The following TTC39B variants were observed in gnomAD, a reference collection of about 807,000 sequenced individuals.
The protein encoded by TTC39B is tetratricopeptide repeat domain 39B.
A neutral mutation model predicts 96.6 loss-of-function variants in TTC39B; 92 were observed. The ratio of observed to expected loss-of-function variants is 0.95; its 90% confidence interval spans 0.80 to 1.13. The LOEUF is 1.13. TTC39B is among the 50% of genes most tolerant of loss of function. TTC39B has a pLI of 0.00. For synonymous variants in TTC39B, 367 were observed against 299.4 expected, an observed-to-expected ratio of 1.23 and a Z score of -2.33; for missense variants, 955 against 809.3, an observed-to-expected ratio of 1.18 and a Z score of -2.18.
chr9:15,234,550 C>A (rs185912857), intron 2 of TTC39B, among the ~76,000 whole-genome samples: 1 of 151,982 alleles, frequency 6.6e-6, no homozygotes, highest in South Asian at 2.1e-4. Context: ...TCATTGAGAA[C>A]GGGCCATGAT....
At position 15,175,239 on chromosome 9, in the gene TTC39B, A is replaced by T. The variant is rs141607532; in HGVS notation, c.1842-104T>A. ...TCTTCAGAAAACATGTGCAGCACTA[A>T]GTCTATTATCATAGAAAGGCGGCCA... On this transcript the variant is annotated intron_variant, in intron 18 of 19. Transcript: ENST00000512701. 6 of 763,384 alleles carry T rather than the reference A, an allele frequency of 7.9e-6. No individual in the cohort carries two copies. In the East Asian group the frequency reaches 1.6e-4, roughly 21 times the overall value. The allele number at this position is 763,384 out of a possible 1,614,324, so 47.3% of individuals were successfully genotyped here. A position where few individuals can be genotyped will look rare whatever the true frequency, so the allele number is the denominator to read the frequency against.
intron 2 of TTC39B, among the ~76,000 whole-genome samples, chr9:15,258,917 C>A (rs1822850612): frequency 6.6e-6 from 1 of 152,162 alleles, no homozygotes; most frequent in South Asian, 2.1e-4. Context: ...GGATCTATAT[C>A]TTAAAACGTG....
intron 1 of TTC39B, among the ~76,000 whole-genome samples, chr9:15,281,677 CA>C (rs1259214485): frequency 6.2e-5 from 8 of 129,518 alleles, no homozygotes; most frequent in African/African-American, 3.0e-4. Flanking sequence ...GCCTCTTCTG[CA>C]TTTTTTTTTT....
intron 6 of TTC39B, 42 bp downstream of exon 6, chr9:15,210,046 A>G: frequency 1.4e-6 from 2 of 1,393,136 alleles, no homozygotes; most frequent in Non-Finnish European, 2.0e-6. Context: ...TCATTTAACT[A>G]TTAAAATCAA....
chr9:15,283,702 T>G (rs548774374), intron 1 of TTC39B, among the ~76,000 whole-genome samples: 1 of 152,278 alleles, frequency 6.6e-6, no homozygotes, highest in South Asian at 2.1e-4. Flanking sequence ...TAGAACATAA[T>G]AAAGAATACA....
At chr9:15,202,580 C>T (rs1819604148) in intron 7 of TTC39B, among the ~76,000 whole-genome samples, 1 of 151,936 alleles carries the variant, frequency 6.6e-6, no homozygotes, top group African/African-American at 2.4e-5. Flanking sequence ...GGCATGGTGG[C>T]ACACGTCTGT....
intron 2 of TTC39B, among the ~76,000 whole-genome samples, chr9:15,247,489 T>C (rs1213223337): frequency 1.3e-5 from 2 of 152,288 alleles, no homozygotes; most frequent in East Asian, 3.9e-4. Context: ...AAGTCCTGTG[T>C]ACAACTCTGA....
At position 15,210,171 on chromosome 9, in the gene TTC39B, T is replaced by C; in HGVS notation, c.615-7A>G. The C allele has an allele frequency of 6.5e-7, 1 of 1,545,026 alleles. No individual in the cohort carries two copies. Among genetic ancestry groups the C allele is most frequent in the East Asian group, 2.3e-5 (1 of 44,054 alleles). On this transcript the variant is annotated splice_polypyrimidine_tract_variant and splice_region_variant and intron_variant, in intron 5 of 19. Coordinates refer to ENST00000512701, the Ensembl canonical transcript of TTC39B. ...TGTGTATTTTTTCCTGTATCTACAT[T>C]GAATAAATAAAAAGGGAGATAGAAA...
intron 8 of TTC39B, among the ~76,000 whole-genome samples, chr9:15,193,613 G>T (rs1328914765): frequency 6.6e-6 from 1 of 152,064 alleles, no homozygotes; most frequent in Admixed American, 6.5e-5. Flanking sequence ...CATTTCCCCT[G>T]GGTCATTTAT....
chr9:15,228,947 T>C (rs1821278083), intron 2 of TTC39B, among the ~76,000 whole-genome samples: 2 of 152,258 alleles, frequency 1.3e-5, no homozygotes, highest in South Asian at 4.1e-4. Context: ...TATGTTTGTA[T>C]ACACATGTAC....
intron 3 of TTC39B, among the ~76,000 whole-genome samples, chr9:15,222,428 A>G (rs1820897141): frequency 6.6e-6 from 1 of 152,240 alleles, no homozygotes; most frequent in Non-Finnish European, 1.5e-5. Flanking sequence ...TGCAAAACTG[A>G]AACTCTGTAC....
At chr9:15,300,731 CA>C (rs1289530182) in intron 1 of TTC39B, among the ~76,000 whole-genome samples, 3 of 151,876 alleles carry the variant, frequency 2.0e-5, no homozygotes, top group Non-Finnish European at 4.4e-5. Context: ...ACTAAAAATA[CA>C]AAAATTAGCT....
At chr9:15,214,908 A>G (rs1251094563) in intron 3 of TTC39B, among the ~76,000 whole-genome samples, 1 of 152,212 alleles carries the variant, frequency 6.6e-6, no homozygotes, top group Non-Finnish European at 1.5e-5. Context: ...GACTTGCAAA[A>G]GGGAAATATT....
chr9:15,203,130 T>C (rs1006748370), intron 7 of TTC39B, among the ~76,000 whole-genome samples: 2 of 152,214 alleles, frequency 1.3e-5, no homozygotes, highest in African/African-American at 4.8e-5. Context: ...ACACTTCCTC[T>C]GCCCGGGCCA....
chr9:15,285,187 T>A (rs1044838542), intron 1 of TTC39B, among the ~76,000 whole-genome samples: 2 of 150,998 alleles, frequency 1.3e-5, no homozygotes, highest in Non-Finnish European at 2.9e-5. Context: ...GAGAATGGCG[T>A]GAACCCGGGA....
At chr9:15,230,059 C>A (rs1288897196) in intron 2 of TTC39B, among the ~76,000 whole-genome samples, 1 of 152,184 alleles carries the variant, frequency 6.6e-6, no homozygotes, top group Non-Finnish European at 1.5e-5. Context: ...CTTTTAATAT[C>A]TGAACACTGC....
intron 7 of TTC39B, 122 bp downstream of exon 7, chr9:15,203,701 T>C: frequency 1.4e-6 from 1 of 711,316 alleles, no homozygotes; most frequent in Non-Finnish European, 2.2e-6. Flanking sequence ...GAATAACAAA[T>C]ATTTGCCATT....
At position 15,281,582 on chromosome 9, in the gene TTC39B, A is replaced by G. The variant is rs957856413; in HGVS notation, c.241-13634T>C. Among the ~76,000 whole-genome samples the G allele has an allele frequency of 5.4e-5, 8 of 148,720 alleles. No homozygotes were observed. The East Asian group carries it at 1.6e-3, about 29-fold the overall frequency. On this transcript the variant is annotated intron_variant, in intron 1 of 19. Transcript: ENST00000512701. Reference sequence around the variant, plus strand: ...CTTCTACATATTAATTTCTGCTAAGACTAAATTATCCTCCACTCCTACCAA... The same window carrying G: ...CTTCTACATATTAATTTCTGCTAAGGCTAAATTATCCTCCACTCCTACCAA...
intron 2 of TTC39B, among the ~76,000 whole-genome samples, chr9:15,234,483 G>C (rs1437807608): frequency 8.0e-6 from 1 of 125,140 alleles, no homozygotes; most frequent in East Asian, 4.5e-4. Context: ...CCCCTGCTGG[G>C]AAGTGAGGAG....
Sources: gnomAD v4.1 joint callset for allele counts (sites outside exome capture counted in the v4.1 genomes callset) on GRCh38, gnomAD v4.1.1 for gene constraint, MANE v1.5 for transcripts, NCBI Gene and HGNC (gene_info 2026-07-23, HGNC 2026-07-21) for gene names.